The following REXO4 variants were observed in gnomAD, a reference collection of about 807,000 sequenced individuals.
REXO4 encodes the protein RNA exonuclease 4.
REXO4 carries 29 observed loss-of-function variants against 39.9 expected under a neutral mutation model. That is an observed-to-expected ratio of 0.73 (90% CI 0.54 to 0.99). REXO4 has a LOEUF of 0.99. Among genes scored for constraint, REXO4 ranks in the 50% least tolerant of loss-of-function variants. The probability of loss-of-function intolerance (pLI) is 0.00; values close to 1 mark genes in which losing one functional copy is unlikely to be tolerated. For synonymous variants in REXO4, 184 were observed against 206.2 expected (o/e 0.89, Z 0.92); for missense variants, 524 against 546.5 (o/e 0.96, Z 0.41).
rs370860378 is a variant in REXO4, at chr9:133,406,643, C to T, written c.*310G>A. The T allele has an allele frequency of 5.4e-5, 22 of 404,690 alleles. No homozygotes were observed. In the Admixed American group the frequency reaches 6.8e-4, roughly 12 times the overall value. The allele number at this position is 404,690 out of a possible 1,614,324, so 25.1% of individuals were successfully genotyped here. On this transcript the variant is annotated 3_prime_UTR_variant, in exon 8 of 8. Coordinates refer to ENST00000371942, the MANE Select transcript of REXO4 (RefSeq NM_020385.4). ...GCAGTGACAGCACCGTATGGACTGG[C>T]GGCCCACAGGCCCCAACCTCACCTG...
At chr9:133,412,529 G>C (rs141196804) in intron 3 of REXO4, 37 bp from the exon 4 acceptor site, 1 of 1,607,070 alleles carries the variant, frequency 6.2e-7, no homozygotes, top group Non-Finnish European at 8.5e-7. Flanking sequence ...TAATAAACAC[G>C]GCAGGCCACA....
chr9:133,415,133 A>C, intron 1 of REXO4, 122 bp from the exon 2 acceptor site: 3 of 729,924 alleles, frequency 4.1e-6, no homozygotes, highest in Non-Finnish European at 6.6e-6. Context: ...TACAATTCCC[A>C]TCCGCATCAC....
chr9:133,417,836 C>T lies in REXO4; in HGVS notation c.9G>A (p.Lys3=). Residue 3 remains lysine (K), a synonymous_variant, in exon 1 of 8, where the codon AAG becomes AAA. Coordinates refer to ENST00000371942, the MANE Select transcript of REXO4 (RefSeq NM_020385.4). MG[K]AKVPASKRAP... The stretch of plus-strand genomic sequence containing the variant: ...CGCGCTTGGAGGCGGGGACCTTCGC[C>T]TTCCCCATCCTGCTGCCGTCCAGCG... 1.9e-6 allele frequency: 3 copies of T among 1,599,966 alleles called. No individual in the cohort carries two copies. The highest frequency in any genetic ancestry group is 2.5e-6 in the Non-Finnish European group (3 of 1,179,492).
chr9:133,411,172 C>CAAAT, intron 4 of REXO4, 99 bp from the exon 5 acceptor site: 2 of 975,246 alleles, frequency 2.1e-6, no homozygotes, highest in Non-Finnish European at 3.3e-6. Context: ...AGACCTAAGA[C>CAAAT]AAATGGTCAG....
rs1838897498 is a variant in REXO4, at chr9:133,406,751, A to G, written c.*202T>C. ...TCCCCACCCTGACCATCCGGGCCCA[A>G]ACACACATGGACAGTAAGACCAGGT... On this transcript the variant is annotated 3_prime_UTR_variant, in exon 8 of 8. Transcript: ENST00000371942. 1.3e-6 allele frequency: 1 copy of G among 759,904 alleles called. No homozygotes were observed. The highest frequency in any genetic ancestry group is 2.8e-5 in the Admixed American group (1 of 35,446). 47.1% of individuals were successfully genotyped at this position (759,904 alleles called of 1,614,324 possible).
intron 5 of REXO4, among the ~76,000 whole-genome samples, chr9:133,409,553 A>C (rs1428291730): frequency 6.6e-6 from 1 of 152,150 alleles, no homozygotes. Flanking sequence ...CAATCTTAGC[A>C]TGCAATTTTT....
In REXO4 at chr9:133,417,883, G is replaced by A. The variant is rs1165206845; in HGVS notation, c.-39C>T. On this transcript the variant is annotated 5_prime_UTR_variant, in exon 1 of 8. Coordinates refer to ENST00000371942, the MANE Select transcript of REXO4 (RefSeq NM_020385.4). ...AGCGCCTGGGCCGGCGGCCACCCGA[G>A]ACCCCGGCCTCCCCGGGCCCGGCGC... The A allele has an allele frequency of 1.9e-6, 3 of 1,581,798 alleles. No homozygotes were observed. The highest frequency in any genetic ancestry group is 2.2e-5 in the East Asian group (1 of 44,630).
At position 133,414,677 on chromosome 9, in the gene REXO4, GC is replaced by G. The variant is rs1554781106; in HGVS notation, c.559del (p.Ala187ProfsTer22). ...GGCCCATACTTACTCGGTGGGTGGG[GC>G]TGGGGCTGCCTCCTTAGCTTTCCGC... ...KKRKAKEAAPAPPTEEDIWFD... is the reference protein window; with the variant it reads ...KKRKAKEAAPXPPTEEDIWFD... On this transcript the variant is annotated frameshift_variant, in exon 2 of 8. Transcript: ENST00000371942. LOFTEE classifies it high-confidence loss of function. 6.2e-7 allele frequency: 1 copy of G among 1,613,848 alleles called. No homozygotes were observed. Among genetic ancestry groups the G allele is most frequent in the Admixed American group, 1.7e-5 (1 of 60,014 alleles).
chr9:133,412,988 G>A, intron 2 of REXO4, 67 bp from the exon 3 acceptor site: 2 of 1,565,880 alleles, frequency 1.3e-6, no homozygotes, highest in Non-Finnish European at 1.7e-6. Flanking sequence ...TGGGGCTGTG[G>A]GGCTGACTGT....
In REXO4 at chr9:133,417,741, T is replaced by C; in HGVS notation, c.104A>G (p.Lys35Arg). Residue 35 changes from lysine (K) to arginine (R), a missense_variant, in exon 1 of 8, where the codon AAA becomes AGA. Coordinates refer to ENST00000371942, the MANE Select transcript of REXO4 (RefSeq NM_020385.4). ...TLTRKKNKKKKRFWKSKAREV... is the reference protein window; with the variant it reads ...TLTRKKNKKKRRFWKSKAREV... ...CCGCGCCTTGCTTTTCCAAAACCTT[T>C]TTTTCTTCTTGTTTTTCTTCCGAGT... is the stretch of plus-strand genomic sequence containing the variant. 1 of 1,613,976 alleles carries C rather than the reference T, an allele frequency of 6.2e-7. No individual in the cohort carries two copies.
At chr9:133,409,361 A>G (rs782775426) in intron 5 of REXO4, among the ~76,000 whole-genome samples, 2 of 152,166 alleles carry the variant, frequency 1.3e-5, no homozygotes, top group Non-Finnish European at 2.9e-5. Context: ...AATTTATTGC[A>G]CTGACTTAAG....
rs1195941992 is a variant in REXO4, at chr9:133,411,085, A to G, written c.911-12T>C. ...TTCAAGCTCTTCTCCTGGAAAATCA[A>G]CACAAAGAAGCGGTTTTTTGCAACA... On this transcript the variant is annotated splice_polypyrimidine_tract_variant and intron_variant, in intron 4 of 7. Coordinates refer to ENST00000371942, the MANE Select transcript of REXO4 (RefSeq NM_020385.4). 1 of 1,613,100 alleles carries G rather than the reference A, an allele frequency of 6.2e-7. No homozygotes were observed. Among genetic ancestry groups the G allele is most frequent in the Non-Finnish European group, 8.5e-7 (1 of 1,179,190 alleles).
chr9:133,417,537 T>G, intron 1 of REXO4, 83 bp downstream of exon 1: 2 of 1,435,072 alleles, frequency 1.4e-6, no homozygotes, highest in East Asian at 2.3e-5. Flanking sequence ...ACAGGTCTTT[T>G]GGGGCTACCC....
intron 1 of REXO4, among the ~76,000 whole-genome samples, 188 bp downstream of exon 1, chr9:133,417,432 C>T (rs1447557036): frequency 6.6e-6 from 1 of 152,270 alleles, no homozygotes; most frequent in Non-Finnish European, 1.5e-5. Flanking sequence ...ATTCTTTCAT[C>T]AATTTCTTTC....
At chr9:133,417,319 G>C (rs1319544387) in intron 1 of REXO4, among the ~76,000 whole-genome samples, 1 of 152,322 alleles carries the variant, frequency 6.6e-6, no homozygotes, top group Middle Eastern at 3.4e-3. Flanking sequence ...GCCCGGCCTG[G>C]TTTCGGGATT....
chr9:133,406,885 G>A lies in REXO4; in HGVS notation c.*68C>T, dbSNP rs184986637. ...ACCAGAGTTGCCACTCTGGGGAGAT[G>A]TGATCTGTCCCTGTGACTGGTCACA... On this transcript the variant is annotated 3_prime_UTR_variant, in exon 8 of 8. Transcript: ENST00000371942. The A allele has an allele frequency of 1.8e-5, 28 of 1,597,218 alleles. No individual in the cohort carries two copies. In the East Asian group the frequency reaches 5.4e-4, roughly 31 times the overall value.
At position 133,407,000 on chromosome 9, in the gene REXO4, T is replaced by C. The variant is rs1299032448; in HGVS notation, c.1222A>G (p.Arg408Gly). 1.9e-6 allele frequency: 3 copies of C among 1,613,026 alleles called. No individual in the cohort carries two copies. The highest frequency in any genetic ancestry group is 2.5e-6 in the Non-Finnish European group (3 of 1,179,980). The stretch of plus-strand genomic sequence containing the variant: ...TCTGGAGCAGTCAGCAGGGGGCGCC[T>C]GTCTCGGGCCATGCTCTCCCACTCC... Reference protein sequence around the residue: ...KKEWESMARDRRPLLTAPDHC... With the variant: ...KKEWESMARDGRPLLTAPDHC... The change falls in exon 8 of 8, where the codon AGG becomes GGG. Residue 408 changes from arginine (R) to glycine (G), a missense_variant. By Grantham distance (125) the Arg-to-Gly change is moderately radical. Coordinates refer to ENST00000371942, the MANE Select transcript of REXO4 (RefSeq NM_020385.4).
Position 133,408,807 on chromosome 9 carries a change from C to T in REXO4, c.1035G>A (p.Arg345=). The change falls in exon 6 of 8, where the codon CGG becomes CGA. Residue 345 remains arginine, a synonymous_variant. Coordinates refer to ENST00000371942, the MANE Select transcript of REXO4 (RefSeq NM_020385.4). ...TGAAAGGTTTATATTTCTGTGTGTCCCGAATCTTCTTTTTTGGATGATCAA... is the reference window on the plus strand; with the variant it reads ...TGAAAGGTTTATATTTCTGTGTGTCTCGAATCTTCTTTTTTGGATGATCAA... The part of the protein sequence containing the change: ...LFLDHPKKKI[R]DTQKYKPFKS... 1 of 1,595,890 alleles carries T rather than the reference C, an allele frequency of 6.3e-7. No individual in the cohort carries two copies. Among genetic ancestry groups the T allele is most frequent in the Non-Finnish European group, 8.6e-7 (1 of 1,164,912 alleles).
At chr9:133,409,347 A>G (rs985712721) in intron 5 of REXO4, among the ~76,000 whole-genome samples, 1 of 152,214 alleles carries the variant, frequency 6.6e-6, no homozygotes, top group Admixed American at 6.5e-5. Flanking sequence ...CAACTCCAGA[A>G]GGAAATTTAT....
Sources: gnomAD v4.1 joint callset for allele counts (sites outside exome capture counted in the v4.1 genomes callset) on GRCh38, gnomAD v4.1.1 for gene constraint, MANE v1.5 for transcripts, NCBI Gene and HGNC (gene_info 2026-07-23, HGNC 2026-07-21) for gene names.